The following PLSCR5 variants were observed in gnomAD, a reference collection of about 807,000 sequenced individuals.
The protein encoded by PLSCR5 is phospholipid scramblase family member 5, also known as phospholipid scramblase family, member 5.
In PLSCR5, 44 loss-of-function variants were observed where a neutral mutation model predicts 33.6. That is an observed-to-expected ratio of 1.31 (90% confidence interval 1.03 to 1.69). PLSCR5 has a LOEUF of 1.69. Among genes scored for constraint, PLSCR5 ranks in the 40% most tolerant of loss-of-function variants. The pLI, the probability that PLSCR5 is intolerant of heterozygous loss-of-function variation, is 0.00. For missense variants in PLSCR5, 375 were observed against 318.7 expected (o/e 1.18, Z -1.34); for synonymous variants, 148 against 112.3 (o/e 1.32, Z -2.01).
intron 2 of PLSCR5, among the ~76,000 whole-genome samples, chr3:146,595,688 A>T (rs1245975358): frequency 6.6e-6 from 1 of 152,240 alleles, no homozygotes; most frequent in Non-Finnish European, 1.5e-5. Context: ...AAATTAGAGT[A>T]GATCTTGAAA....
At chr3:146,595,912 G>A (rs1281897806) in intron 2 of PLSCR5, among the ~76,000 whole-genome samples, 7 of 152,100 alleles carry the variant, frequency 4.6e-5, no homozygotes, top group Non-Finnish European at 1.0e-4. Flanking sequence ...AAAGGTTATT[G>A]TATACATTTT....
intron 1 of PLSCR5, among the ~76,000 whole-genome samples, chr3:146,602,496 C>T (rs899566982): frequency 6.6e-6 from 1 of 151,708 alleles, no homozygotes; most frequent in Admixed American, 6.6e-5. Context: ...AGAAAGAGAA[C>T]ATTATAGAAT....
downstream of PLSCR5, among the ~76,000 whole-genome samples, chr3:146,582,572 A>G (rs2044639017): frequency 1.3e-5 from 2 of 152,096 alleles, no homozygotes; most frequent in Admixed American, 1.3e-4. Flanking sequence ...TTGCTTATTA[A>G]ACTGCTGCTC....
At chr3:146,587,805 AAAATAATTCCTCTG>A (rs1439349128) in intron 6 of PLSCR5, among the ~76,000 whole-genome samples, 1 of 152,126 alleles carries the variant, frequency 6.6e-6, no homozygotes, top group Middle Eastern at 3.2e-3. Flanking sequence ...CTGGTAAGTT[AAAATAATTCCTCTG>A]AAATCCTGGA....
intron 6 of PLSCR5, among the ~76,000 whole-genome samples, chr3:146,588,760 A>C (rs1209542388): frequency 1.3e-5 from 2 of 152,014 alleles, no homozygotes; most frequent in Non-Finnish European, 2.9e-5. Flanking sequence ...TGACTTTGAC[A>C]ATAGTACTGT....
intron 2 of PLSCR5, among the ~76,000 whole-genome samples, chr3:146,598,794 G>A (rs575717322): frequency 1.3e-5 from 2 of 152,306 alleles, no homozygotes; most frequent in East Asian, 1.9e-4. Context: ...GATGGAAGAT[G>A]GTAGGTTTGC....
rs1019531353 is a variant in PLSCR5 at position 146,591,733 on chromosome 3, T to G, written c.602A>C (p.Asp201Ala). Residue 201 changes from aspartate (D) to alanine (A), a missense_variant, in exon 5 of 8, where the codon GAT becomes GCT. Coordinates refer to ENST00000443512, the MANE Select transcript of PLSCR5 (RefSeq NM_001085420.2). The stretch of plus-strand genomic sequence containing the variant: ...TGTCAATTGTACCTCAAAATCCACA[T>G]CGCCAAAACAGCCACATGTCACACA... ...GPCVTCGCFG[D>A]VDFEVKTINE... The G allele has an allele frequency of 2.5e-6, 4 of 1,610,140 alleles. No homozygotes were observed. The highest frequency in any genetic ancestry group is 2.2e-5 in the South Asian group (2 of 90,100).
chr3:146,600,585 C>A (rs997639087), intron 1 of PLSCR5, 122 bp from the exon 2 acceptor site: 11 of 1,010,648 alleles, frequency 1.1e-5, no homozygotes, highest in Non-Finnish European at 1.4e-5. Flanking sequence ...CATTTTAATG[C>A]CCTTTTCCTT....
chr3:146,601,284 A>C (rs2044812913), intron 1 of PLSCR5, among the ~76,000 whole-genome samples: 1 of 152,122 alleles, frequency 6.6e-6, no homozygotes, highest in Admixed American at 6.6e-5. Flanking sequence ...TTTGTTTAAA[A>C]ATATAAATGA....
intron 4 of PLSCR5, among the ~76,000 whole-genome samples, chr3:146,592,776 T>C (rs1253670007): frequency 6.6e-6 from 1 of 152,122 alleles, no homozygotes; most frequent in African/African-American, 2.4e-5. Flanking sequence ...CTAATAGTTA[T>C]CAAGTAATAT....
intron 4 of PLSCR5, among the ~76,000 whole-genome samples, chr3:146,593,112 A>C: frequency 6.6e-6 from 1 of 152,120 alleles, no homozygotes; most frequent in South Asian, 2.1e-4. Context: ...TCTAACAGAG[A>C]AGGTTGGGCT....
intron 6 of PLSCR5, 40 bp downstream of exon 6, chr3:146,589,613 A>T: frequency 6.9e-7 from 1 of 1,454,560 alleles, no homozygotes; most frequent in Non-Finnish European, 9.3e-7. Context: ...AGCAAGAGGG[A>T]GAATAACAAA....
intron 6 of PLSCR5, 75 bp downstream of exon 6, chr3:146,589,578 G>C (rs1281834340): frequency 7.9e-7 from 1 of 1,270,260 alleles, no homozygotes; most frequent in African/African-American, 1.5e-5. Flanking sequence ...CTGTGTAAAT[G>C]GGATAGGCTA....
rs530332787 is a variant in PLSCR5, at chr3:146,600,389, A to G, written c.88T>C (p.Ser30Pro). 9 of 1,610,352 alleles carry G rather than the reference A, an allele frequency of 5.6e-6. No homozygotes were observed. In the South Asian group the frequency reaches 1.0e-4, roughly 18 times the overall value. Residue 30 changes from serine (S) to proline (P), a missense_variant, in exon 2 of 8, where the codon TCT becomes CCT. Physicochemically the swap from Ser to Pro is moderately conservative, Grantham distance 74 (BLOSUM62 -1). Transcript: ENST00000443512. ...APDPDQSLPA[S>P]SNPGNQAWQL... ...CATGCTTGGTTCCCTGGATTGGAAG[A>G]GGCAGGAAGGCTTTGGTCTGGGTCT...
At chr3:146,579,810 T>TCC (rs201105332) in intron 7 of PLSCR5, among the ~76,000 whole-genome samples, 4,502 of 152,314 alleles carry the variant, frequency 0.03, 83 homozygotes, top group Non-Finnish European at 0.041. Flanking sequence ...ACTTGGAGGA[T>TCC]ACGTGGGGCA....
chr3:146,580,455 T>A (rs1018615034), intron 7 of PLSCR5, among the ~76,000 whole-genome samples: 1 of 55,626 alleles, frequency 1.8e-5, no homozygotes, highest in South Asian at 6.0e-4. Flanking sequence ...TTGAATTTGC[T>A]TTTTTTTTTT....
chr3:146,582,127 C>T (rs1424716743), downstream of PLSCR5, among the ~76,000 whole-genome samples: 7 of 152,370 alleles, frequency 4.6e-5, no homozygotes, highest in East Asian at 1.4e-3. Context: ...GAAATCCTTT[C>T]TCCCTCACAG....
downstream of PLSCR5, among the ~76,000 whole-genome samples, chr3:146,582,992 C>T (rs942369723): frequency 1.3e-5 from 2 of 151,974 alleles, no homozygotes; most frequent in African/African-American, 2.4e-5. Flanking sequence ...TTTTCCACAC[C>T]CCTACGTTTG....
chr3:146,590,889 T>C (rs942245692), intron 5 of PLSCR5, among the ~76,000 whole-genome samples: 8 of 152,052 alleles, frequency 5.3e-5, no homozygotes, highest in African/African-American at 1.9e-4. Flanking sequence ...CTAAGTTGTA[T>C]GTCCAGGACA....
Sources: gnomAD v4.1 joint callset for allele counts (sites outside exome capture counted in the v4.1 genomes callset) on GRCh38, gnomAD v4.1.1 for gene constraint, MANE v1.5 for transcripts, NCBI Gene and HGNC (gene_info 2026-07-23, HGNC 2026-07-21) for gene names.